Variants in NELL2 observed in about 807,000 individuals in gnomAD.
NELL2 encodes the protein neural EGFL like 2, also known as protein kinase C-binding protein NELL2.
NELL2 carries 41 observed loss-of-function variants against 109.6 expected under a neutral mutation model. The observed-to-expected ratio is 0.37, with a 90% CI of 0.29 to 0.49. NELL2 has a LOEUF of 0.49. Among genes scored for constraint, NELL2 ranks in the 20% least tolerant of loss-of-function variants. The pLI is 0.98. For synonymous variants in NELL2, 355 were observed against 344.7 expected (o/e 1.03, Z -0.33); for missense variants, 900 against 1,008.3 (o/e 0.89, Z 1.45).
intron 9 of NELL2, among the ~76,000 whole-genome samples, chr12:44,736,907 A>T (rs1415125364): frequency 2.0e-5 from 3 of 151,978 alleles, no homozygotes; most frequent in African/African-American, 7.2e-5. Context: ...ATAATAGAAA[A>T]TTTCCTAATT....
At position 44,745,295 on chromosome 12, in the gene NELL2, G is replaced by A. The variant is rs545338518; in HGVS notation, c.994+29452C>T. 1.6e-3 allele frequency among the ~76,000 whole-genome samples: 242 copies of A among 152,176 alleles called. 1 individual carries two copies. The highest frequency in any genetic ancestry group is 5.7e-3 in the African/African-American group (236 of 41,516). ...CCAATAAATTAGATATTGATGGGAC[G>A]TATCTCAAAATAATAAGCGCAATCT... is the stretch of plus-strand genomic sequence containing the variant. On this transcript the variant is annotated intron_variant, in intron 9 of 19. Coordinates refer to ENST00000429094, the MANE Select transcript of NELL2 (RefSeq NM_001145108.2).
At chr12:44,669,035 G>A (rs187348670) in intron 12 of NELL2, among the ~76,000 whole-genome samples, 65 of 152,130 alleles carry the variant, frequency 4.3e-4, no homozygotes, top group African/African-American at 1.5e-3. Context: ...TGGTGCCCAG[G>A]GACCAGCCCA....
chr12:44,617,691 C>CAAA (rs975070930), intron 13 of NELL2, among the ~76,000 whole-genome samples: 12 of 22,346 alleles, frequency 5.4e-4, no homozygotes, highest in Admixed American at 1.5e-3. Flanking sequence ...GACTCCGTCT[C>CAAA]AAAAAAAAAA....
At chr12:44,746,329 T>TA (rs1940350280) in intron 9 of NELL2, among the ~76,000 whole-genome samples, 2 of 152,076 alleles carry the variant, frequency 1.3e-5, no homozygotes, top group Non-Finnish European at 2.9e-5. Flanking sequence ...ATGTTAGACC[T>TA]AAAACCATAA....
intron 2 of NELL2, among the ~76,000 whole-genome samples, chr12:44,870,985 T>C (rs1431896234): frequency 6.6e-6 from 1 of 152,194 alleles, no homozygotes; most frequent in Non-Finnish European, 1.5e-5. Flanking sequence ...GCCTACCATG[T>C]AACCTGGTTC....
intron 9 of NELL2, among the ~76,000 whole-genome samples, chr12:44,720,603 C>T (rs556449620): frequency 1.3e-5 from 2 of 152,290 alleles, no homozygotes; most frequent in East Asian, 3.9e-4. Context: ...AAAGTCTGCT[C>T]GGACAATGTA....
At chr12:44,895,385 T>C (rs1400808943) in intron 1 of NELL2, among the ~76,000 whole-genome samples, 3 of 152,198 alleles carry the variant, frequency 2.0e-5, no homozygotes, top group African/African-American at 7.2e-5. Flanking sequence ...TATATTTATC[T>C]TAGCTTTATT....
intron 15 of NELL2, among the ~76,000 whole-genome samples, chr12:44,595,732 C>A (rs192599871): frequency 2.0e-5 from 3 of 151,976 alleles, no homozygotes; most frequent in African/African-American, 7.3e-5. Flanking sequence ...TGAGCCACCA[C>A]GCCTGGCCCC....
intron 2 of NELL2, among the ~76,000 whole-genome samples, chr12:44,817,723 A>G (rs1323244590): frequency 2.0e-5 from 3 of 152,204 alleles, no homozygotes; most frequent in Admixed American, 6.5e-5. Context: ...AGGCCAACTT[A>G]ATGAGACACC....
intron 13 of NELL2, among the ~76,000 whole-genome samples, chr12:44,655,969 A>C (rs1011007855): frequency 1.3e-5 from 2 of 152,226 alleles, no homozygotes; most frequent in African/African-American, 2.4e-5. Context: ...CAGGAAAAGA[A>C]AATTTGAAAT....
intron 3 of NELL2, among the ~76,000 whole-genome samples, chr12:44,809,208 G>A (rs944087858): frequency 6.6e-6 from 1 of 151,950 alleles, no homozygotes; most frequent in Non-Finnish European, 1.5e-5. Flanking sequence ...TGTAAAACAT[G>A]GAAGAAGGAA....
At chr12:44,701,548 C>T (rs190327360) in intron 12 of NELL2, among the ~76,000 whole-genome samples, 356 of 152,164 alleles carry the variant, frequency 2.3e-3, no homozygotes, top group African/African-American at 8.1e-3. Flanking sequence ...GGCCCCTTTC[C>T]TTAACTTCTT....
chr12:44,775,518 G>A (rs867533235), intron 8 of NELL2, among the ~76,000 whole-genome samples: 1 of 152,060 alleles, frequency 6.6e-6, no homozygotes, highest in African/African-American at 2.4e-5. Context: ...CTTCATTAGC[G>A]AGCAATTAGC....
intron 9 of NELL2, among the ~76,000 whole-genome samples, chr12:44,758,045 T>TACACAC (rs56835414): frequency 2.0e-5 from 3 of 149,794 alleles, no homozygotes; most frequent in South Asian, 2.1e-4. Flanking sequence ...TACAGGAGAT[T>TACACAC]ACACACACAC....
At chr12:44,921,182 A>G (rs1326792530) in intron 1 of NELL2, among the ~76,000 whole-genome samples, 1 of 152,114 alleles carries the variant, frequency 6.6e-6, no homozygotes, top group Non-Finnish European at 1.5e-5. Flanking sequence ...ATTTTTTTCA[A>G]ATGAACGTCT....
intron 19 of NELL2, 141 bp from the exon 20 acceptor site, chr12:44,509,125 T>G (rs1213047459): frequency 1.5e-6 from 1 of 686,324 alleles, no homozygotes; most frequent in Non-Finnish European, 2.5e-6. Context: ...CCAATCACTT[T>G]TCATGACTCT....
chr12:44,604,188 AAAG>A (rs1238327103), intron 15 of NELL2, among the ~76,000 whole-genome samples: 1 of 152,040 alleles, frequency 6.6e-6, no homozygotes, highest in Non-Finnish European at 1.5e-5. Flanking sequence ...AGCAGGAAGA[AAAG>A]AAGAAAGAGA....
chr12:44,815,452 G>C (rs1943312051), intron 3 of NELL2, among the ~76,000 whole-genome samples: 1 of 152,168 alleles, frequency 6.6e-6, no homozygotes, highest in African/African-American at 2.4e-5. Context: ...CTTTAAAATT[G>C]AGAAATATAC....
chr12:44,743,512 G>A (rs1297387378), intron 9 of NELL2, among the ~76,000 whole-genome samples: 3 of 33,808 alleles, frequency 8.9e-5, no homozygotes, highest in African/African-American at 3.5e-4. Context: ...CTAGCAAATT[G>A]GATAGAGTCA....
Sources: allele counts gnomAD v4.1 joint callset (sites outside exome capture counted in the v4.1 genomes callset), GRCh38; gene constraint gnomAD v4.1.1; transcripts MANE v1.5; gene names NCBI Gene and HGNC (gene_info 2026-07-23, HGNC 2026-07-21).